DDX42: variants seen among roughly 807,000 people sequenced by gnomAD.
DDX42 encodes ATP-dependent RNA helicase DDX42.
Under a neutral mutation model 101.5 loss-of-function variants are expected in DDX42, and 22 were observed. The observed-to-expected ratio is 0.22, with a 90% CI of 0.15 to 0.31. DDX42 has a LOEUF of 0.31. Ranked by LOEUF, DDX42 falls within the 10% of genes least tolerant of loss-of-function variation. The pLI is 1.00. For missense variants in DDX42, 849 were observed against 1,199.9 expected (o/e 0.71, Z 4.32); for synonymous variants, 402 against 401.2 (o/e 1.00, Z -0.02).
intron 1 of DDX42, among the ~76,000 whole-genome samples, chr17:63,784,240 C>T (rs1381838754): frequency 6.6e-6 from 1 of 152,008 alleles, no homozygotes; most frequent in Non-Finnish European, 1.5e-5. Flanking sequence ...AATTTTTTTC[C>T]ACCCTGGCTT....
At chr17:63,774,056 ATC>A (rs1437104638), upstream of DDX42, 1 of 217,884 alleles carries the variant, frequency 4.6e-6, no homozygotes, top group East Asian at 9.8e-5. Flanking sequence ...CCGTCAGAGT[ATC>A]TGAGGAGCCT....
At chr17:63,816,780 T>C in intron 16 of DDX42, 88 bp from the exon 17 acceptor site, 1 of 961,762 alleles carries the variant, frequency 1.0e-6, no homozygotes, top group Non-Finnish European at 1.5e-6. Flanking sequence ...TAGCTCCCAC[T>C]TCAAGGGTTT....
chr17:63,794,462 A>G (rs1162960542), intron 3 of DDX42, among the ~76,000 whole-genome samples: 4 of 151,892 alleles, frequency 2.6e-5, no homozygotes, highest in Admixed American at 2.6e-4. Context: ...GTGAGCCATG[A>G]TCATGCCACT....
chr17:63,809,189 T>C (rs1308035393), intron 10 of DDX42, among the ~76,000 whole-genome samples: 1 of 152,204 alleles, frequency 6.6e-6, no homozygotes, highest in Admixed American at 6.5e-5. Context: ...TCTTATACTC[T>C]CCCACAAAAT....
At position 63,811,843 on chromosome 17, in the gene DDX42, G is replaced by A. The variant is rs886530930; in HGVS notation, c.1399-89G>A. 2.2e-5 allele frequency: 32 copies of A among 1,482,694 alleles called. No individual in the cohort carries two copies. In the African/African-American group the frequency reaches 5.9e-4, roughly 28 times the overall value. The allele number at this position is 1,482,694 out of a possible 1,614,324, so 91.8% of individuals were successfully genotyped here. On this transcript the variant is annotated intron_variant, in intron 13 of 17. Coordinates refer to ENST00000389924, the MANE Select transcript of DDX42 (RefSeq NM_203499.3). ...AACTGGGATTGTTCAAGGTCTTCTCGATGCAGGTAGAAATATAATGCCTAG... is the reference window on the plus strand; with the variant it reads ...AACTGGGATTGTTCAAGGTCTTCTCAATGCAGGTAGAAATATAATGCCTAG...
rs77862015 is a variant in DDX42 at position 63,799,813 on chromosome 17, T to C, written c.471+188T>C. On this transcript the variant is annotated intron_variant, in intron 5 of 17. Coordinates refer to ENST00000389924, the MANE Select transcript of DDX42 (RefSeq NM_203499.3). The stretch of plus-strand genomic sequence containing the variant: ...TAGATTCACATGGCTTTCCCCCATA[T>C]TGAAGATGGAATTTTTGATCAACTG... Among the ~76,000 whole-genome samples the C allele has an allele frequency of 9.4e-3, 1,433 of 152,334 alleles. 19 individuals are homozygous for C. Among genetic ancestry groups the C allele is most frequent in the African/African-American group, 0.033 (1,385 of 41,582 alleles).
At chr17:63,793,746 A>G (rs1195511717) in intron 3 of DDX42, among the ~76,000 whole-genome samples, 1 of 151,944 alleles carries the variant, frequency 6.6e-6, no homozygotes, top group Non-Finnish European at 1.5e-5. Context: ...TTTTTCACAT[A>G]CAGAGGTCCT....
intron 1 of DDX42, chr17:63,775,055 T>G (rs2039401709): frequency 6.6e-6 from 1 of 152,654 alleles, no homozygotes; most frequent in African/African-American, 2.4e-5. Context: ...TCCCTGTGTT[T>G]TCTTTTTGTC....
chr17:63,804,973 A>G (rs752618607), intron 6 of DDX42, 98 bp from the exon 7 acceptor site: 8 of 1,432,500 alleles, frequency 5.6e-6, no homozygotes, highest in African/African-American at 1.5e-5. Flanking sequence ...GAATGGCTTT[A>G]CTTGTGTAAA....
chr17:63,792,714 C>G (rs1215573341), intron 3 of DDX42, 152 bp downstream of exon 3: 12 of 742,612 alleles, frequency 1.6e-5, no homozygotes, highest in Non-Finnish European at 2.4e-5. Context: ...TTGCATATAT[C>G]TACTTCCACT....
intron 3 of DDX42, 28 bp from the exon 4 acceptor site, chr17:63,798,010 C>T (rs1324137643): frequency 1.9e-6 from 3 of 1,584,004 alleles, no homozygotes; most frequent in East Asian, 2.3e-5. Context: ...TAGTTGATGT[C>T]ATTCTATACA....
Position 63,818,034 on chromosome 17 carries a change from G to C in DDX42, c.2453G>C (p.Arg818Pro), listed in dbSNP as rs369378680. Residue 818 changes from arginine to proline, a missense_variant, in exon 18 of 18, where the codon CGT becomes CCT. Physicochemically the swap from Arg to Pro is moderately radical, Grantham distance 103 (BLOSUM62 -2). Coordinates refer to ENST00000389924, the MANE Select transcript of DDX42 (RefSeq NM_203499.3). The stretch of plus-strand genomic sequence containing the variant: ...TATACTGAGAACCGGGGCAGCAGCC[G>C]TCACAGTCACGGAGAGACTGGCAAT... ...ERYTENRGSS[R>P]HSHGETGNRH... The C allele has an allele frequency of 1.9e-6, 3 of 1,613,872 alleles. No individual in the cohort carries two copies. The highest frequency in any genetic ancestry group is 2.7e-5 in the African/African-American group (2 of 74,886).
In DDX42 at chr17:63,800,621, T is replaced by C. The variant is rs2039751280; in HGVS notation, c.621+4T>C. 1.2e-6 allele frequency: 2 copies of C among 1,610,960 alleles called. No individual in the cohort carries two copies. Among genetic ancestry groups the C allele is most frequent in the East Asian group, 2.2e-5 (1 of 44,860 alleles). On this transcript the variant is annotated splice_donor_region_variant and intron_variant, in intron 6 of 17. Coordinates refer to ENST00000389924, the MANE Select transcript of DDX42 (RefSeq NM_203499.3). ...TCCCCCCATTGATCATTCAGAGGTA[T>C]GGTGTTTCTTGCTGAATTTTACTCT...
intron 2 of DDX42, among the ~76,000 whole-genome samples, chr17:63,787,915 T>TTTC (rs1555571605): frequency 1.4e-5 from 2 of 138,930 alleles, no homozygotes; most frequent in African/African-American, 5.6e-5. Context: ...GTTTTTTTTT[T>TTTC]TTTTTTTGGA....
At chr17:63,809,127 C>CT (rs1567743377) in intron 10 of DDX42, among the ~76,000 whole-genome samples, 179 bp downstream of exon 10, 1 of 152,170 alleles carries the variant, frequency 6.6e-6, no homozygotes, top group African/African-American at 2.4e-5. Flanking sequence ...GTGAGAGTCT[C>CT]TGTGACATAT....
chr17:63,787,605 G>A (rs1304548190), intron 2 of DDX42, among the ~76,000 whole-genome samples: 3 of 152,126 alleles, frequency 2.0e-5, no homozygotes, highest in African/African-American at 7.2e-5. Context: ...CTGGGAGGCC[G>A]AGACGGATGG....
At chr17:63,807,253 G>A (rs949020437) in intron 8 of DDX42, among the ~76,000 whole-genome samples, 7 of 152,162 alleles carry the variant, frequency 4.6e-5, no homozygotes, top group Non-Finnish European at 7.3e-5. Context: ...CAATTCTCCT[G>A]CCTCGGCCTC....
chr17:63,774,246 C>CGGCGGCGGCGGT lies in DDX42; in HGVS notation c.-136_-135insTGGCGGCGGCGG, dbSNP rs1555717986. 1 of 133,860 alleles carries CGGCGGCGGCGGT rather than the reference C, an allele frequency of 7.5e-6. No individual in the cohort carries two copies. The highest frequency in any genetic ancestry group is 4.5e-4 in the African/African-American group (1 of 2,204). The allele number at this position is 133,860 out of a possible 1,614,324, so 8.3% of individuals were successfully genotyped here. On this transcript the variant is annotated 5_prime_UTR_variant, in exon 1 of 18. Transcript: ENST00000389924. ...GTGGCGGCGGCGGTGGTGGTGGTGG[C>CGGCGGCGGCGGT]GGCGGCGGCGGCGAAGGGGGCGGAG...
intron 6 of DDX42, 32 bp from the exon 7 acceptor site, chr17:63,805,039 T>A: frequency 6.3e-7 from 1 of 1,579,856 alleles, no homozygotes; most frequent in Non-Finnish European, 8.6e-7. Flanking sequence ...ACTCTTGAAT[T>A]CTAGACTAAC....
Sources: allele counts gnomAD v4.1 joint callset (sites outside exome capture counted in the v4.1 genomes callset), GRCh38; gene constraint gnomAD v4.1.1; transcripts MANE v1.5; gene names NCBI Gene and HGNC (gene_info 2026-07-23, HGNC 2026-07-21).